The following NSD1 variants were observed in gnomAD, a reference collection of about 807,000 sequenced individuals.
NSD1 encodes the protein histone-lysine N-methyltransferase, H3 lysine-36 specific.
NSD1 carries 26 observed loss-of-function variants against 242.7 expected under a neutral mutation model. That is an observed-to-expected ratio of 0.11 (90% confidence interval 0.08 to 0.15). The LOEUF is 0.15. NSD1 is among the 10% of genes least tolerant of loss of function. The pLI is 1.00. For missense variants in NSD1, 2,495 were observed against 3,272.8 expected (o/e 0.76, Z 5.80); for synonymous variants, 1,106 against 1,178.1 (o/e 0.94, Z 1.25).
At chr5:177,137,143 TC>T in intron 2 of NSD1, 1 of 390,078 alleles carries the variant, frequency 2.6e-6, no homozygotes, top group Non-Finnish European at 4.5e-6. Flanking sequence ...AGCTAAATGA[TC>T]AGTTCACTTC....
At chr5:177,208,788 C>T (rs568189552) in intron 4 of NSD1, among the ~76,000 whole-genome samples, 45 of 152,056 alleles carry the variant, frequency 3.0e-4, no homozygotes, top group South Asian at 1.0e-3. Flanking sequence ...CTCCAACTCC[C>T]GGGTGCTAGT....
chr5:177,150,067 G>A (rs188752870), intron 2 of NSD1, among the ~76,000 whole-genome samples: 1 of 151,762 alleles, frequency 6.6e-6, no homozygotes, highest in East Asian at 1.9e-4. Context: ...CTCCCGAGTA[G>A]TTAGGACTAC....
intron 2 of NSD1, among the ~76,000 whole-genome samples, chr5:177,191,670 A>G (rs1290685226): frequency 6.6e-6 from 1 of 152,210 alleles, no homozygotes; most frequent in East Asian, 1.9e-4. Context: ...ATTATATAAA[A>G]CAATTATAAG....
At chr5:177,268,063 C>G (rs1757655450) in intron 15 of NSD1, among the ~76,000 whole-genome samples, 1 of 151,348 alleles carries the variant, frequency 6.6e-6, no homozygotes, top group Non-Finnish European at 1.5e-5. Flanking sequence ...AGTTATGCCC[C>G]CCACCATCCA....
At chr5:177,289,738 A>G (rs1240526566) in intron 21 of NSD1, among the ~76,000 whole-genome samples, 1 of 152,080 alleles carries the variant, frequency 6.6e-6, no homozygotes, top group Non-Finnish European at 1.5e-5. Flanking sequence ...TTTTTTTAGT[A>G]TGCACTTTCT....
intron 5 of NSD1, among the ~76,000 whole-genome samples, chr5:177,226,864 G>C (rs1221159072): frequency 6.6e-6 from 1 of 152,146 alleles, no homozygotes. Context: ...TGCATGTATA[G>C]TTTTGATATG....
intron 4 of NSD1, among the ~76,000 whole-genome samples, chr5:177,209,197 T>G (rs1763130376): frequency 1.3e-5 from 2 of 151,932 alleles, no homozygotes; most frequent in Admixed American, 6.6e-5. Flanking sequence ...ACCTGGCTGG[T>G]TCCATAAAAG....
intron 22 of NSD1, among the ~76,000 whole-genome samples, chr5:177,293,111 C>T (rs115149445): frequency 6.6e-6 from 1 of 152,264 alleles, no homozygotes; most frequent in African/African-American, 2.4e-5. Flanking sequence ...TGCTCAGGGT[C>T]GTCACTGGCG....
At chr5:177,159,008 A>ATATATATGAATGATTT (rs1758482008) in intron 2 of NSD1, among the ~76,000 whole-genome samples, 1 of 97,376 alleles carries the variant, frequency 1.0e-5, no homozygotes, top group African/African-American at 4.3e-5. Context: ...TTATATATAT[A>ATATATATGAATGATTT]TATATATATA....
At chr5:177,161,250 C>T (rs950902963) in intron 2 of NSD1, among the ~76,000 whole-genome samples, 2 of 151,980 alleles carry the variant, frequency 1.3e-5, no homozygotes, top group African/African-American at 4.8e-5. Flanking sequence ...GGTGGAGTGG[C>T]ATGTGCCTGT....
Position 177,294,082 on chromosome 5 carries a change from G to A in NSD1, c.6714G>A (p.Glu2238=), listed in dbSNP as rs1482452932. Residue 2238 remains glutamate, a synonymous_variant, in exon 23 of 23, where the codon GAG becomes GAA. Transcript: ENST00000439151. The stretch of plus-strand genomic sequence containing the variant: ...CAGGGCCAAGCACTCACCTGGCAGA[G>A]CAATCAACAGGAATGGCTGCTCAGG... The part of the protein sequence containing the change: ...LPPGPSTHLA[E]QSTGMAAQAP... The A allele has an allele frequency of 6.2e-7, 1 of 1,614,038 alleles. No homozygotes were observed. The highest frequency in any genetic ancestry group is 1.1e-5 in the South Asian group (1 of 91,078).
In NSD1 at chr5:177,294,986, T is replaced by C. The variant is rs750441093; in HGVS notation, c.7618T>C (p.Ser2540Pro). Residue 2540 changes from serine to proline, a missense_variant, in exon 23 of 23, where the codon TCT (serine) becomes CCT (proline). Ser to Pro is a moderately conservative substitution (Grantham distance 74). Coordinates refer to ENST00000439151, the MANE Select transcript of NSD1 (RefSeq NM_022455.5). ...ATCACTCACCCAGGCCAGACTTCTT[T>C]CTCAGCCTCCTGCCAAGGCCTTTTT... ...VKSLTQARLL[S>P]QPPAKAFLYE... 2.3e-5 allele frequency: 37 copies of C among 1,614,118 alleles called. No individual in the cohort carries two copies. The highest frequency in any genetic ancestry group is 1.2e-4 in the Admixed American group (7 of 60,008).
Position 177,246,673 on chromosome 5 carries a change from C to A in NSD1, c.4379-5C>A. The A allele has an allele frequency of 6.2e-7, 1 of 1,602,946 alleles. No individual in the cohort carries two copies. Among genetic ancestry groups the A allele is most frequent in the South Asian group, 1.1e-5 (1 of 90,768 alleles). ...CAGCAGTTAACACCTATTTTCCTGT[C>A]ATAGGCACTACCAAGATATTTGACA... is the stretch of plus-strand genomic sequence containing the variant. On this transcript the variant is annotated splice_polypyrimidine_tract_variant and splice_region_variant and intron_variant, in intron 9 of 22. Coordinates refer to ENST00000439151, the MANE Select transcript of NSD1 (RefSeq NM_022455.5).
intron 14 of NSD1, chr5:177,265,791 C>T: frequency 7.0e-7 from 1 of 1,420,384 alleles, no homozygotes; most frequent in South Asian, 1.1e-5. Flanking sequence ...AAGCCGGTCC[C>T]TCCGGTCCTC....
chr5:177,250,626 T>C, intron 11 of NSD1, among the ~76,000 whole-genome samples: 1 of 151,962 alleles, frequency 6.6e-6, no homozygotes. Context: ...AAGTACAATA[T>C]ATAGTGCTAT....
intron 1 of NSD1, 68 bp from the exon 2 acceptor site, chr5:177,135,019 T>C: frequency 5.0e-6 from 7 of 1,392,132 alleles, no homozygotes; most frequent in Non-Finnish European, 7.1e-6. Flanking sequence ...TTGAAGTGGC[T>C]GCCATTTTAA....
At chr5:177,219,387 G>C (rs892523628) in intron 5 of NSD1, among the ~76,000 whole-genome samples, 1 of 151,422 alleles carries the variant, frequency 6.6e-6, no homozygotes, top group Non-Finnish European at 1.5e-5. Context: ...GGGTTTCACT[G>C]TGTTAGCCAG....
chr5:177,155,364 G>C (rs1562126141), intron 2 of NSD1, among the ~76,000 whole-genome samples: 2 of 151,954 alleles, frequency 1.3e-5, no homozygotes, highest in African/African-American at 4.8e-5. Flanking sequence ...CTGAGCTCAG[G>C]TGATCCACCC....
chr5:177,182,021 G>A (rs573872466), intron 2 of NSD1, among the ~76,000 whole-genome samples: 2 of 152,070 alleles, frequency 1.3e-5, no homozygotes, highest in South Asian at 4.2e-4. Flanking sequence ...GCATGGTGGC[G>A]GGCGTCTGTA....
Sources: gnomAD v4.1 joint callset for allele counts (sites outside exome capture counted in the v4.1 genomes callset) on GRCh38, gnomAD v4.1.1 for gene constraint, MANE v1.5 for transcripts, NCBI Gene and HGNC (gene_info 2026-07-23, HGNC 2026-07-21) for gene names.